NAA40: variants seen among roughly 807,000 people sequenced by gnomAD.
The protein encoded by NAA40 is N-alpha-acetyltransferase 40, NatD catalytic subunit.
Under a neutral mutation model 36.6 loss-of-function variants are expected in NAA40, and 26 were observed. That is an observed-to-expected ratio of 0.71 (90% confidence interval 0.52 to 0.98). The LOEUF is 0.98. Ranked by LOEUF, NAA40 falls within the 50% of genes least tolerant of loss-of-function variation. The pLI, the probability that NAA40 is intolerant of heterozygous loss-of-function variation, is 0.00. For synonymous variants in NAA40, 129 were observed against 108.4 expected, an observed-to-expected ratio of 1.19 and a Z score of -1.18; for missense variants, 237 against 306.5, an observed-to-expected ratio of 0.77 and a Z score of 1.69.
chr11:63,944,239 C>G (rs907666205), intron 1 of NAA40, among the ~76,000 whole-genome samples: 1 of 152,150 alleles, frequency 6.6e-6, no homozygotes, highest in Non-Finnish European at 1.5e-5. Flanking sequence ...GAAGGTTAAT[C>G]GCTCTGAGTG....
At chr11:63,951,676 C>CT (rs1439633084) in intron 3 of NAA40, among the ~76,000 whole-genome samples, 1 of 152,062 alleles carries the variant, frequency 6.6e-6, no homozygotes, top group Non-Finnish European at 1.5e-5. Flanking sequence ...GAGTATCCCC[C>CT]CTGCTCAGAT....
chr11:63,946,303 G>A (rs771963154), intron 2 of NAA40: 70 of 248,988 alleles, frequency 2.8e-4, no homozygotes, highest in Non-Finnish European at 4.3e-4. Context: ...AGCCTCTGCC[G>A]CCTGGGCCCA....
At chr11:63,946,017 T>C in intron 2 of NAA40, 82 bp downstream of exon 2, 1 of 1,296,402 alleles carries the variant, frequency 7.7e-7, no homozygotes, top group Non-Finnish European at 1.1e-6. Context: ...CTCCACCCTG[T>C]GGCAGAATTG....
At chr11:63,942,487 G>A (rs751380640) in intron 1 of NAA40, among the ~76,000 whole-genome samples, 2 of 152,168 alleles carry the variant, frequency 1.3e-5, no homozygotes, top group East Asian at 1.9e-4. Context: ...CTGAAGTCAC[G>A]CAGCTAGTAA....
In NAA40 at chr11:63,952,521, T is replaced by A. The variant is rs764407026; in HGVS notation, c.366T>A (p.Ser122=). The A allele has an allele frequency of 6.2e-7, 1 of 1,614,124 alleles. No homozygotes were observed. The highest frequency in any genetic ancestry group is 8.5e-7 in the Non-Finnish European group (1 of 1,180,020). Reference sequence around the variant, plus strand: ...ACAGCTCCGTCCCTGTTGCCTTTTCTCACTTCCGGTTTGACGTGGAGTGTG... The same window carrying A: ...ACAGCTCCGTCCCTGTTGCCTTTTCACACTTCCGGTTTGACGTGGAGTGTG... ...WENSSVPVAF[S]HFRFDVECGD... is the part of the protein sequence containing the mutation. The change falls in exon 5 of 8, where the codon TCT becomes TCA. Residue 122 remains serine, a synonymous_variant. Coordinates refer to ENST00000377793, the MANE Select transcript of NAA40 (RefSeq NM_024771.4).
chr11:63,948,062 C>T (rs1942217418), intron 3 of NAA40, among the ~76,000 whole-genome samples: 1 of 151,920 alleles, frequency 6.6e-6, no homozygotes, highest in Non-Finnish European at 1.5e-5. Flanking sequence ...ACCATGTTGG[C>T]CAGGCTGGTC....
chr11:63,952,073 T>G (rs192319982), intron 3 of NAA40, 165 bp from the exon 4 acceptor site: 157 of 584,268 alleles, frequency 2.7e-4, no homozygotes, highest in African/African-American at 2.6e-3. Flanking sequence ...CTGAAAGACT[T>G]TGTTCCTGCA....
chr11:63,943,330 T>C (rs1311601260), intron 1 of NAA40, among the ~76,000 whole-genome samples: 1 of 152,146 alleles, frequency 6.6e-6, no homozygotes, highest in East Asian at 1.9e-4. Flanking sequence ...GTAGGGTGTA[T>C]AGCGGCACTG....
chr11:63,952,037 G>A (rs760114157), intron 3 of NAA40: 15 of 537,308 alleles, frequency 2.8e-5, no homozygotes, highest in East Asian at 8.6e-5. Context: ...GGGGTGGGCC[G>A]TGTGGCCACA....
intron 2 of NAA40, 80 bp downstream of exon 2, chr11:63,946,015 T>C: frequency 7.6e-7 from 1 of 1,317,694 alleles, no homozygotes; most frequent in Admixed American, 1.8e-5. Flanking sequence ...GTCTCCACCC[T>C]GTGGCAGAAT....
At position 63,953,860 on chromosome 11, in the gene NAA40, G is replaced by A. The variant is rs1942319604; in HGVS notation, c.495-112G>A. The A allele has an allele frequency of 3.5e-6, 3 of 868,210 alleles. No homozygotes were observed. The South Asian group carries it at 4.7e-5, about 14-fold the overall frequency. The allele number at this position is 868,210 out of a possible 1,614,324, so 53.8% of individuals were successfully genotyped here. ...TTCCAGGCTGGTCTCTAACTCCTGGGCTCAAATGATCCTCCCACCTTTGCC... is the reference window on the plus strand; with the variant it reads ...TTCCAGGCTGGTCTCTAACTCCTGGACTCAAATGATCCTCCCACCTTTGCC... On this transcript the variant is annotated intron_variant, in intron 6 of 7. Transcript: ENST00000377793.
intron 7 of NAA40, 77 bp from the exon 8 acceptor site, chr11:63,954,261 G>A (rs1229714273): frequency 2.0e-6 from 3 of 1,519,446 alleles, no homozygotes; most frequent in African/African-American, 2.8e-5. Flanking sequence ...CAGTGTGGCT[G>A]GTAGAAGAGT....
chr11:63,954,320 C>T lies in NAA40; in HGVS notation c.573-18C>T, dbSNP rs375860713. On this transcript the variant is annotated intron_variant, in intron 7 of 7. Transcript: ENST00000377793. ...TCAGCTGCCTGCCACCAACCCTTTT[C>T]TCCTGCCTGCCTTGCAGATTTGAAA... 4 of 1,572,038 alleles carry T rather than the reference C, an allele frequency of 2.5e-6. No homozygotes were observed. Among genetic ancestry groups the T allele is most frequent in the Non-Finnish European group, 2.6e-6 (3 of 1,158,746 alleles).
chr11:63,939,224 A>C (rs1942066367), intron 1 of NAA40, 122 bp downstream of exon 1: 4 of 989,824 alleles, frequency 4.0e-6, no homozygotes, highest in African/African-American at 2.6e-5. Context: ...GTGACCCCTG[A>C]CCCCCACATG....
Position 63,954,570 on chromosome 11 carries a change from T to C in NAA40, c.*91T>C, listed in dbSNP as rs1425080323. On this transcript the variant is annotated 3_prime_UTR_variant, in exon 8 of 8. Coordinates refer to ENST00000377793, the MANE Select transcript of NAA40 (RefSeq NM_024771.4). Reference sequence around the variant, plus strand: ...TGTTCACCGGGTGTCCTCAGAGCTGTGGCCTCCCCAGCCCTGCACGTGCCA... The same window carrying C: ...TGTTCACCGGGTGTCCTCAGAGCTGCGGCCTCCCCAGCCCTGCACGTGCCA... 3 of 1,427,836 alleles carry C rather than the reference T, an allele frequency of 2.1e-6. No homozygotes were observed. Among genetic ancestry groups the C allele is most frequent in the Non-Finnish European group, 2.8e-6 (3 of 1,072,520 alleles). The allele number at this position is 1,427,836 out of a possible 1,614,324, so 88.4% of individuals were successfully genotyped here.
rs1421760418 is a variant in NAA40 at position 63,956,174 on chromosome 11, A to C, written c.*1695A>C. The C allele has an allele frequency of 6.5e-6, 1 of 152,692 alleles. No homozygotes were observed. The highest frequency in any genetic ancestry group is 1.5e-5 in the Non-Finnish European group (1 of 68,092). The allele number at this position is 152,692 out of a possible 1,614,324, so 9.5% of individuals were successfully genotyped here. On this transcript the variant is annotated 3_prime_UTR_variant, in exon 8 of 8. Transcript: ENST00000377793. ...AGAGGGCCTTGCAGCTTTACACTGG[A>C]ATAAGTCTGCCTCTGCCTCTGCCTC... is the stretch of plus-strand genomic sequence containing the variant.
intron 3 of NAA40, among the ~76,000 whole-genome samples, chr11:63,949,064 T>A (rs1942234186): frequency 6.6e-6 from 1 of 152,130 alleles, no homozygotes; most frequent in South Asian, 2.1e-4. Context: ...CACATGCCTG[T>A]ATTCCCAGCT....
Position 63,952,351 on chromosome 11 carries a change from A to C in NAA40, c.251+18A>C. 1 of 1,613,478 alleles carries C rather than the reference A, an allele frequency of 6.2e-7. No homozygotes were observed. Among genetic ancestry groups the C allele is most frequent in the Non-Finnish European group, 8.5e-7 (1 of 1,179,444 alleles). Reference sequence around the variant, plus strand: ...CAAACCATGTAAGCTTGTCCCAACCAGGGGAGCCTAGTTCCTCTCGCAGCT... The same window carrying C: ...CAAACCATGTAAGCTTGTCCCAACCCGGGGAGCCTAGTTCCTCTCGCAGCT... On this transcript the variant is annotated intron_variant, in intron 4 of 7. Transcript: ENST00000377793.
At chr11:63,947,073 G>C (rs985144390) in intron 3 of NAA40, 70 bp downstream of exon 3, 6 of 1,466,046 alleles carry the variant, frequency 4.1e-6, no homozygotes, top group South Asian at 2.3e-5. Context: ...TCCAGAGTAG[G>C]CTTCCTCAGA....
Sources: gnomAD v4.1 joint callset for allele counts (sites outside exome capture counted in the v4.1 genomes callset) on GRCh38, gnomAD v4.1.1 for gene constraint, MANE v1.5 for transcripts, NCBI Gene and HGNC (gene_info 2026-07-23, HGNC 2026-07-21) for gene names.